Variants in CNGB1 observed in about 807,000 individuals in gnomAD.
The protein encoded by CNGB1 is cyclic nucleotide-gated channel beta-1.
In CNGB1, 126 loss-of-function variants were observed where a neutral mutation model predicts 151.7. That is an observed-to-expected ratio of 0.83 (90% CI 0.72 to 0.96). The LOEUF is 0.96. Among genes scored for constraint, CNGB1 ranks in the 40% least tolerant of loss-of-function variants. CNGB1 has a pLI of 0.00. For missense variants in CNGB1, 1,698 were observed against 1,627.0 expected (o/e 1.04, Z -0.75); for synonymous variants, 623 against 635.1 (o/e 0.98, Z 0.29).
rs754864375 is a variant in CNGB1 at position 57,959,915 on chromosome 16, G to A, written c.734C>T (p.Ser245Phe). The A allele has an allele frequency of 2.7e-5, 42 of 1,563,842 alleles. No homozygotes were observed. Among genetic ancestry groups the A allele is most frequent in the Non-Finnish European group, 3.4e-5 (39 of 1,153,770 alleles). The change falls in exon 10 of 33, where the codon TCC becomes TTC. Residue 245 changes from serine (S) to phenylalanine (F), a missense_variant. Transcript: ENST00000251102. ...PQPGSQAQTS[S>F]LPPTRDPARL... is the part of the protein sequence containing the mutation. ...GGCAGGGTCCCTGGTTGGTGGCAGG[G>A]AGGAGGTCTGGGCCTGGGAGCCGGG...
chr16:57,884,716 G>C (rs868066273), intron 32 of CNGB1, among the ~76,000 whole-genome samples: 13 of 152,242 alleles, frequency 8.5e-5, no homozygotes, highest in African/African-American at 3.1e-4. Flanking sequence ...CTAGGCTGTG[G>C]GGCTGGAAGC....
At chr16:57,969,511 G>A (rs370245737) in intron 1 of CNGB1, among the ~76,000 whole-genome samples, 4 of 152,098 alleles carry the variant, frequency 2.6e-5, no homozygotes, top group East Asian at 3.9e-4. Context: ...CCAGTTACTC[G>A]GGAGGCTGAG....
At position 57,916,173 on chromosome 16, in the gene CNGB1, T is replaced by C. The variant is rs1220692474; in HGVS notation, c.2173A>G (p.Lys725Glu). Residue 725 changes from lysine to glutamate, a missense_variant, in exon 22 of 33, where the codon AAA becomes GAA. Lys to Glu is a moderately conservative substitution (Grantham distance 56). Coordinates refer to ENST00000251102, the MANE Select transcript of CNGB1 (RefSeq NM_001297.5). Reference protein sequence around the residue: ...FVRGGDIITDKKDMRNNYLKS... With the variant: ...FVRGGDIITDEKDMRNNYLKS... ...AGGTAGTTATTTCGCATGTCCTTTT[T>C]GTCCGTCTGAAAGAAAGGGAATGAT... 1.2e-6 allele frequency: 2 copies of C among 1,613,734 alleles called. No individual in the cohort carries two copies. Among genetic ancestry groups the C allele is most frequent in the African/African-American group, 2.7e-5 (2 of 74,912 alleles).
chr16:57,963,056 C>T lies in CNGB1; in HGVS notation c.299G>A (p.Arg100His), dbSNP rs13336595. Residue 100 changes from arginine to histidine, a missense_variant, in exon 5 of 33, where the codon CGC becomes CAC. Arg to His is a conservative substitution (Grantham distance 29). Transcript: ENST00000251102. ...AEISEMNSPS[R>H]RVLTWLMKGV... ...CTTCATGAGCCAGGTCAGTACCCTG[C>T]GGCTGGGACTGCGATGGACAGAGAC... 0.78 allele frequency: 1,252,974 copies of T among 1,609,894 alleles called. 489,520 individuals carry two copies. The highest frequency in any genetic ancestry group is 0.85 in the Admixed American group (51,075 of 60,012).
intron 18 of CNGB1, 41 bp downstream of exon 18, chr16:57,923,232 C>A: frequency 7.2e-7 from 1 of 1,397,998 alleles, no homozygotes; most frequent in South Asian, 1.2e-5. Context: ...CCCACCCTCC[C>A]CGCAGTCTTT....
At chr16:57,950,564 A>G in intron 12 of CNGB1, 24 bp from the exon 13 acceptor site, 3 of 1,613,758 alleles carry the variant, frequency 1.9e-6, no homozygotes, top group Non-Finnish European at 2.5e-6. Context: ...AGGAAGAGCC[A>G]TTTATGGGAT....
At chr16:57,895,398 G>C (rs556213976) in intron 31 of CNGB1, among the ~76,000 whole-genome samples, 1 of 149,606 alleles carries the variant, frequency 6.7e-6, no homozygotes, top group African/African-American at 2.5e-5. Context: ...GTGAAACTCC[G>C]TCTCAAAAAA....
Position 57,950,371 on chromosome 16 carries a change from G to A in CNGB1, c.1034+10C>T. The A allele has an allele frequency of 2.5e-6, 4 of 1,614,130 alleles. No individual in the cohort carries two copies. The highest frequency in any genetic ancestry group is 3.4e-6 in the Non-Finnish European group (4 of 1,179,998). ...TAACTAATCTTTTAGGGTCTTCTCA[G>A]ACTCCCCACCTGGGCATCTTCTCCA... is the stretch of plus-strand genomic sequence containing the variant. On this transcript the variant is annotated intron_variant, in intron 13 of 32. Transcript: ENST00000251102.
intron 12 of CNGB1, among the ~76,000 whole-genome samples, chr16:57,953,547 G>A (rs955378802): frequency 7.3e-5 from 11 of 150,764 alleles, no homozygotes; most frequent in African/African-American, 2.4e-4. Flanking sequence ...AGGAGCCCCT[G>A]CTTCCAGGAT....
chr16:57,968,423 G>A (rs1962452522), intron 1 of CNGB1, among the ~76,000 whole-genome samples: 1 of 152,054 alleles, frequency 6.6e-6, no homozygotes, highest in Non-Finnish European at 1.5e-5. Flanking sequence ...CTTGAACCCA[G>A]GAGGTAGAGG....
At position 57,949,420 on chromosome 16, in the gene CNGB1, C is replaced by G; in HGVS notation, c.1054G>C (p.Glu352Gln). 1 of 1,613,772 alleles carries G rather than the reference C, an allele frequency of 6.2e-7. No homozygotes were observed. The highest frequency in any genetic ancestry group is 8.5e-7 in the Non-Finnish European group (1 of 1,180,030). The change falls in exon 14 of 33, where the codon GAG becomes CAG. Residue 352 changes from glutamate (E) to glutamine (Q), a missense_variant. Coordinates refer to ENST00000251102, the MANE Select transcript of CNGB1 (RefSeq NM_001297.5). Reference protein sequence around the residue: ...KMPRELSRIEEEKEDEEEEEE... With the variant: ...KMPRELSRIEQEKEDEEEEEE... ...TCCTCCTCCTCATCTTCTTTCTCCT[C>G]TTCAATCCGGGACAGCTCTCTGAGT...
At chr16:57,914,851 T>G (rs1960819074) in intron 23 of CNGB1, among the ~76,000 whole-genome samples, 1 of 152,152 alleles carries the variant, frequency 6.6e-6, no homozygotes, top group Non-Finnish European at 1.5e-5. Context: ...GTCCCCATCT[T>G]TTAGACAGAG....
intron 20 of CNGB1, among the ~76,000 whole-genome samples, chr16:57,918,108 G>GTTAGTTAT (rs1555489892): frequency 7.0e-6 from 1 of 142,352 alleles, no homozygotes; most frequent in African/African-American, 2.6e-5. Context: ...AGATCATCTG[G>GTTAGTTAT]TTATTTATTT....
intron 29 of CNGB1, 87 bp downstream of exon 29, chr16:57,901,265 G>T: frequency 7.8e-7 from 1 of 1,286,148 alleles, no homozygotes; most frequent in Non-Finnish European, 1.1e-6. Context: ...TCTGCCCTGG[G>T]CTGGCAGGCA....
At chr16:57,946,758 G>A (rs1485611554) in intron 14 of CNGB1, 3 of 152,302 alleles carry the variant, frequency 2.0e-5, no homozygotes, top group Non-Finnish European at 4.4e-5. Flanking sequence ...GCCATTGACA[G>A]CCCAGTTTTT....
rs375419881 is a variant in CNGB1, at chr16:57,959,946, G to T, written c.703C>A (p.Pro235Thr). 3.8e-6 allele frequency: 6 copies of T among 1,588,366 alleles called. No homozygotes were observed. Among genetic ancestry groups the T allele is most frequent in the Non-Finnish European group, 5.1e-6 (6 of 1,165,994 alleles). ...GTCTGGGCCTGGGAGCCGGGCTGGG[G>T]CTCTGGAGCTGGTGCCTCCTTGGGT... ...EEPKEAPAPE[P>T]QPGSQAQTSS... The change falls in exon 10 of 33, where the codon CCC becomes ACC. Residue 235 changes from proline to threonine, a missense_variant. Physicochemically the swap from Pro to Thr is conservative, Grantham distance 38. Transcript: ENST00000251102.
intron 7 of CNGB1, 40 bp from the exon 8 acceptor site, chr16:57,960,955 AC>A: frequency 6.2e-7 from 1 of 1,600,922 alleles, no homozygotes; most frequent in Non-Finnish European, 8.6e-7. Context: ...CCCTGAGGGA[AC>A]CGGCCAGCGC....
At chr16:57,970,282 CAGCCAGCCCCAGGCAGCCCCGAG>C (rs1425534729) in intron 1 of CNGB1, among the ~76,000 whole-genome samples, 1 of 152,202 alleles carries the variant, frequency 6.6e-6, no homozygotes, top group East Asian at 1.9e-4. Flanking sequence ...TCACTGACCC[CAGCCAGCCCCAGGCAGCCCCGAG>C]AGCCAGGGCT....
chr16:57,885,558 C>T (rs1959897125), intron 32 of CNGB1, among the ~76,000 whole-genome samples: 1 of 46,454 alleles, frequency 2.2e-5, no homozygotes, highest in Admixed American at 3.4e-4. Flanking sequence ...TCCTTCCTTC[C>T]TCTCTCTCTC....
Sources: allele counts gnomAD v4.1 joint callset (sites outside exome capture counted in the v4.1 genomes callset), GRCh38; gene constraint gnomAD v4.1.1; transcripts MANE v1.5; gene names NCBI Gene and HGNC (gene_info 2026-07-23, HGNC 2026-07-21).